Variants in AP1G1 observed in about 807,000 individuals in gnomAD.
The protein encoded by AP1G1 is adaptor related protein complex 1 subunit gamma 1.
A neutral mutation model predicts 108.3 loss-of-function variants in AP1G1; 7 were observed. The observed-to-expected ratio is 0.06, with a 90% CI of 0.04 to 0.12. The LOEUF is 0.12. Ranked by LOEUF, AP1G1 falls within the 10% of genes least tolerant of loss-of-function variation. AP1G1 has a pLI of 1.00. For synonymous variants in AP1G1, 379 were observed against 353.5 expected (o/e 1.07, Z -0.81); for missense variants, 756 against 1,010.7 (o/e 0.75, Z 3.42).
At chr16:71,748,472 A>G in intron 15 of AP1G1, 94 bp from the exon 16 acceptor site, 1 of 1,387,158 alleles carries the variant, frequency 7.2e-7, no homozygotes, top group Non-Finnish European at 9.7e-7. Flanking sequence ...AGCCAGAAAG[A>G]CAATCCTACC....
chr16:71,749,824 C>A, intron 15 of AP1G1, 70 bp downstream of exon 15: 1 of 1,293,908 alleles, frequency 7.7e-7, no homozygotes, highest in East Asian at 2.3e-5. Context: ...CTCAACTCCC[C>A]ATTAAACACT....
At chr16:71,799,587 G>A (rs2032710017) in intron 1 of AP1G1, among the ~76,000 whole-genome samples, 1 of 151,974 alleles carries the variant, frequency 6.6e-6, no homozygotes, top group Admixed American at 6.6e-5. Context: ...GAGCAATACA[G>A]CTATATCTCA....
At chr16:71,762,320 T>C (rs2145464978) in intron 9 of AP1G1, among the ~76,000 whole-genome samples, 1 of 152,304 alleles carries the variant, frequency 6.6e-6, no homozygotes, top group South Asian at 2.1e-4. Context: ...GAAATACATA[T>C]GTGGTTTTTG....
chr16:71,751,304 C>G (rs1476778823), intron 13 of AP1G1: 1 of 151,564 alleles, frequency 6.6e-6, no homozygotes, highest in Non-Finnish European at 1.5e-5. Flanking sequence ...GGCCACACAG[C>G]AAGACTCCAT....
chr16:71,766,420 T>C (rs1169553474), intron 6 of AP1G1: 1 of 469,380 alleles, frequency 2.1e-6, no homozygotes, highest in Admixed American at 2.4e-5. Flanking sequence ...GCCGAAGATG[T>C]TTTAAATATT....
Position 71,808,834 on chromosome 16 carries a change from C to G in AP1G1, c.-75G>C, listed in dbSNP as rs985382152. 1 of 1,289,558 alleles carries G rather than the reference C, an allele frequency of 7.8e-7. No individual in the cohort carries two copies. The highest frequency in any genetic ancestry group is 1.0e-6 in the Non-Finnish European group (1 of 988,832). The allele number at this position is 1,289,558 out of a possible 1,614,324, so 79.9% of individuals were successfully genotyped here. A position where few individuals can be genotyped will look rare whatever the true frequency, so the allele number is the denominator to read the frequency against. Reference sequence around the variant, plus strand: ...GCAGTGGCAGCAGGAACCGAACATCCAAAATGGCGGCTCCCTCGGCCTCAC... The same window carrying G: ...GCAGTGGCAGCAGGAACCGAACATCGAAAATGGCGGCTCCCTCGGCCTCAC... On this transcript the variant is annotated 5_prime_UTR_variant, in exon 1 of 23. Coordinates refer to ENST00000299980, the MANE Select transcript of AP1G1 (RefSeq NM_001128.6).
intron 1 of AP1G1, among the ~76,000 whole-genome samples, chr16:71,801,930 A>G (rs971340409): frequency 4.0e-5 from 6 of 151,818 alleles, no homozygotes; most frequent in Admixed American, 1.3e-4. Context: ...ACCAAAAAAA[A>G]AAAAAAAAAA....
intron 1 of AP1G1, among the ~76,000 whole-genome samples, chr16:71,795,934 G>A (rs1006950431): frequency 6.6e-6 from 1 of 152,182 alleles, no homozygotes; most frequent in South Asian, 2.1e-4. Context: ...GTTTGAATAG[G>A]AGAGATTAAA....
At chr16:71,805,400 G>A (rs1055213164) in intron 1 of AP1G1, among the ~76,000 whole-genome samples, 10 of 152,192 alleles carry the variant, frequency 6.6e-5, no homozygotes, top group African/African-American at 9.6e-5. Context: ...ACAGTGAGCC[G>A]AGATCGAGCC....
chr16:71,766,412 C>T (rs891452473), intron 6 of AP1G1: 2 of 468,506 alleles, frequency 4.3e-6, no homozygotes, highest in South Asian at 1.6e-5. Context: ...ACTGCCAAGC[C>T]GAAGATGTTT....
At chr16:71,749,149 C>A (rs1207195042) in intron 15 of AP1G1, among the ~76,000 whole-genome samples, 2 of 152,110 alleles carry the variant, frequency 1.3e-5, no homozygotes, top group African/African-American at 4.8e-5. Context: ...CTGCAGGTGA[C>A]CTCATGATCC....
intron 2 of AP1G1, chr16:71,777,465 TG>T: frequency 4.7e-6 from 1 of 212,426 alleles, no homozygotes. Flanking sequence ...ATGAGAAAGC[TG>T]GGGAGAAAGA....
intron 13 of AP1G1, among the ~76,000 whole-genome samples, chr16:71,752,056 G>A (rs548291620): frequency 8.5e-4 from 129 of 152,040 alleles, no homozygotes; most frequent in Non-Finnish European, 1.4e-3. Flanking sequence ...CCCTGACCAC[G>A]TATTCCAGGT....
In AP1G1 at chr16:71,739,100, T is replaced by C; in HGVS notation, c.2110A>G (p.Ile704Val). ...TTACTGTATGCTGTGATGGAGGGGA[T>C]GCCTGAGAAAGTACAGGAAGATAAG... ...QPLFNDIAAGIPSITAYSKNG... is the reference protein window; with the variant it reads ...QPLFNDIAAGVPSITAYSKNG... Residue 704 changes from isoleucine to valine, a missense_variant and splice_region_variant, in exon 21 of 23, where the codon ATC becomes GTC. Physicochemically the swap from Ile to Val is conservative, Grantham distance 29. Around this residue, in one of 3 missense-constraint regions of AP1G1, gnomAD observed 95 missense variants for 160.5 expected, o/e 0.59. Coordinates refer to ENST00000299980, the MANE Select transcript of AP1G1 (RefSeq NM_001128.6). 1 of 1,614,154 alleles carries C rather than the reference T, an allele frequency of 6.2e-7. No homozygotes were observed. The highest frequency in any genetic ancestry group is 8.5e-7 in the Non-Finnish European group (1 of 1,180,016).
intron 2 of AP1G1, among the ~76,000 whole-genome samples, chr16:71,788,001 A>G (rs1056382343): frequency 3.3e-5 from 5 of 152,126 alleles, no homozygotes; most frequent in South Asian, 2.1e-4. Context: ...TTCCTCTGAT[A>G]CTAACACATC....
chr16:71,803,500 A>T (rs150330170), intron 1 of AP1G1, among the ~76,000 whole-genome samples: 1 of 152,306 alleles, frequency 6.6e-6, no homozygotes, highest in Non-Finnish European at 1.5e-5. Flanking sequence ...GACTCAACAC[A>T]TTTGGCAAGT....
At chr16:71,734,780 T>C (rs2045513312) in intron 21 of AP1G1, 73 bp from the exon 22 acceptor site, 14 of 1,215,538 alleles carry the variant, frequency 1.2e-5, no homozygotes, top group Non-Finnish European at 1.7e-5. Context: ...AAAAACCATT[T>C]AGACACCCAG....
chr16:71,807,783 A>G (rs1215324427), intron 1 of AP1G1: 10 of 1,285,528 alleles, frequency 7.8e-6, no homozygotes, highest in Non-Finnish European at 9.1e-6. Context: ...AAGCAGCCCA[A>G]CTCTCCTTTC....
rs368190923 is a variant in AP1G1, at chr16:71,759,746, C to T, written c.975-825G>A. ...CTGCACTCCAGCCTAGGCGACAGAGCGAGACTCTGTCTCAAAAAAAAAAAA... is the reference window on the plus strand; with the variant it reads ...CTGCACTCCAGCCTAGGCGACAGAGTGAGACTCTGTCTCAAAAAAAAAAAA... On this transcript the variant is annotated intron_variant, in intron 10 of 22. Coordinates refer to ENST00000299980, the MANE Select transcript of AP1G1 (RefSeq NM_001128.6). Among the ~76,000 whole-genome samples, 565 of 150,214 alleles carry T rather than the reference C, an allele frequency of 3.8e-3. 6 individuals carry two copies. The highest frequency in any genetic ancestry group is 0.033 in the South Asian group (157 of 4,760).
Sources: allele counts gnomAD v4.1 joint callset (sites outside exome capture counted in the v4.1 genomes callset), GRCh38; gene constraint gnomAD v4.1.1; regional missense constraint gnomAD v4.1.1; transcripts MANE v1.5; gene names NCBI Gene and HGNC (gene_info 2026-07-23, HGNC 2026-07-21).